The following WDR70 variants were observed in gnomAD, a reference collection of about 807,000 sequenced individuals.
WDR70 encodes WD repeat-containing protein 70.
Under a neutral mutation model 88.6 loss-of-function variants are expected in WDR70, and 53 were observed. That is an observed-to-expected ratio of 0.60 (90% CI 0.48 to 0.75). The LOEUF (loss-of-function observed/expected upper bound fraction) is 0.75. WDR70 is among the 30% of genes least tolerant of loss of function. The probability of loss-of-function intolerance (pLI) is 0.00; values close to 1 mark genes in which losing one functional copy is unlikely to be tolerated. For missense variants in WDR70, 610 were observed against 823.2 expected, an observed-to-expected ratio of 0.74 and a Z score of 3.17; for synonymous variants, 280 against 270.0, an observed-to-expected ratio of 1.04 and a Z score of -0.36.
intron 10 of WDR70, 62 bp from the exon 11 acceptor site, chr5:37,697,593 A>C: frequency 2.2e-6 from 3 of 1,371,276 alleles, no homozygotes; most frequent in Non-Finnish European, 3.1e-6. Flanking sequence ...TGTTCTTGCC[A>C]CAAAACTGTT....
chr5:37,737,086 A>C (rs1307941826), intron 17 of WDR70, among the ~76,000 whole-genome samples: 2 of 152,158 alleles, frequency 1.3e-5, no homozygotes, highest in African/African-American at 4.8e-5. Context: ...AAATACATCT[A>C]TTATATGAAG....
At chr5:37,692,144 C>T (rs890027500) in intron 10 of WDR70, among the ~76,000 whole-genome samples, 1 of 151,628 alleles carries the variant, frequency 6.6e-6, no homozygotes, top group Admixed American at 6.6e-5. Context: ...CACCACCCCC[C>T]ACCCCTCGCA....
At chr5:37,574,468 T>C (rs567062590) in intron 9 of WDR70, among the ~76,000 whole-genome samples, 1 of 152,260 alleles carries the variant, frequency 6.6e-6, no homozygotes, top group Non-Finnish European at 1.5e-5. Flanking sequence ...TTTGTTTCCT[T>C]CTCCTCTTGT....
At chr5:37,430,776 G>A (rs1750278045) in intron 5 of WDR70, among the ~76,000 whole-genome samples, 1 of 152,028 alleles carries the variant, frequency 6.6e-6, no homozygotes, top group Admixed American at 6.6e-5. Context: ...GGCCAGGCTG[G>A]TCTCAAACTC....
chr5:37,627,851 C>T (rs756536675), intron 10 of WDR70, among the ~76,000 whole-genome samples: 1 of 152,074 alleles, frequency 6.6e-6, no homozygotes, highest in South Asian at 2.1e-4. Flanking sequence ...ATGGTCAGTC[C>T]TGGAGAGTGT....
intron 10 of WDR70, among the ~76,000 whole-genome samples, chr5:37,651,669 A>G (rs927226372): frequency 6.6e-6 from 1 of 152,190 alleles, no homozygotes; most frequent in Non-Finnish European, 1.5e-5. Context: ...ATGAGATGGT[A>G]TCTCACTGTG....
chr5:37,595,525 G>A (rs575517484), intron 9 of WDR70, among the ~76,000 whole-genome samples: 150 of 152,180 alleles, frequency 9.9e-4, no homozygotes, highest in African/African-American at 3.3e-3. Flanking sequence ...CCAAATTCAT[G>A]TTTAGATTTA....
intron 9 of WDR70, among the ~76,000 whole-genome samples, chr5:37,538,121 G>A (rs551799757): frequency 1.3e-5 from 2 of 152,248 alleles, no homozygotes; most frequent in Admixed American, 1.3e-4. Context: ...TCCCTTGGAA[G>A]ACTTTATTGA....
intron 9 of WDR70, among the ~76,000 whole-genome samples, chr5:37,525,947 C>T (rs1361293338): frequency 2.0e-5 from 3 of 152,042 alleles, no homozygotes; most frequent in Non-Finnish European, 2.9e-5. Context: ...AATTTGAATC[C>T]ACGAATAGAG....
At chr5:37,531,194 C>T (rs918951743) in intron 9 of WDR70, among the ~76,000 whole-genome samples, 1 of 152,050 alleles carries the variant, frequency 6.6e-6, no homozygotes, top group African/African-American at 2.4e-5. Flanking sequence ...TTTACTGAGA[C>T]TTGTTTTGTG....
intron 5 of WDR70, among the ~76,000 whole-genome samples, chr5:37,402,944 G>T (rs1203718674): frequency 4.6e-3 from 386 of 84,264 alleles, no homozygotes; most frequent in South Asian, 7.3e-3. Flanking sequence ...CCCTCCCTCC[G>T]TTTTTTTTTT....
intron 7 of WDR70, among the ~76,000 whole-genome samples, chr5:37,447,815 A>G (rs1407710897): frequency 6.6e-6 from 1 of 152,216 alleles, no homozygotes; most frequent in Non-Finnish European, 1.5e-5. Context: ...GAGGGAGAGC[A>G]TTAGGAGATA....
chr5:37,595,726 A>G (rs1743682258), intron 9 of WDR70, among the ~76,000 whole-genome samples: 1 of 152,194 alleles, frequency 6.6e-6, no homozygotes, highest in Non-Finnish European at 1.5e-5. Flanking sequence ...TTCTTTTACA[A>G]GAAGAGCTCC....
chr5:37,548,793 T>G (rs1049951091), intron 9 of WDR70, among the ~76,000 whole-genome samples: 2 of 152,240 alleles, frequency 1.3e-5, no homozygotes, highest in African/African-American at 2.4e-5. Context: ...ATTTAATTCT[T>G]TAATCCATTT....
intron 7 of WDR70, among the ~76,000 whole-genome samples, chr5:37,454,528 C>A (rs1738775330): frequency 6.6e-6 from 1 of 151,900 alleles, no homozygotes; most frequent in Non-Finnish European, 1.5e-5. Context: ...AAACAGATAC[C>A]TACTGTTTTG....
intron 10 of WDR70, among the ~76,000 whole-genome samples, chr5:37,658,296 AG>A (rs911382799): frequency 2.0e-5 from 3 of 152,092 alleles, no homozygotes; most frequent in African/African-American, 7.2e-5. Context: ...TGTAGATGCT[AG>A]TTAAAAAAGA....
At chr5:37,527,038 G>C (rs1741301314) in intron 9 of WDR70, among the ~76,000 whole-genome samples, 1 of 152,176 alleles carries the variant, frequency 6.6e-6, no homozygotes, top group Admixed American at 6.5e-5. Context: ...TCAATATCAT[G>C]AAAATGGCCA....
At chr5:37,427,286 G>C (rs1750157293) in intron 5 of WDR70, among the ~76,000 whole-genome samples, 1 of 152,060 alleles carries the variant, frequency 6.6e-6, no homozygotes, top group African/African-American at 2.4e-5. Context: ...CTACTCAGGA[G>C]GCTGAGGGAG....
At chr5:37,522,854 G>A (rs545256601) in intron 9 of WDR70, among the ~76,000 whole-genome samples, 1 of 152,280 alleles carries the variant, frequency 6.6e-6, no homozygotes, top group East Asian at 1.9e-4. Flanking sequence ...GGCTCAGAGG[G>A]TCCTGTGCCC....
Sources: allele counts gnomAD v4.1 joint callset (sites outside exome capture counted in the v4.1 genomes callset), GRCh38; gene constraint gnomAD v4.1.1; transcripts MANE v1.5; gene names NCBI Gene and HGNC (gene_info 2026-07-23, HGNC 2026-07-21).